The following MATN2 variants were observed in gnomAD, a reference collection of about 807,000 sequenced individuals.
The protein encoded by MATN2 is matrilin-2.
Under a neutral mutation model 103.2 loss-of-function variants are expected in MATN2, and 69 were observed. The observed-to-expected ratio is 0.67, with a 90% CI of 0.55 to 0.82. The LOEUF is 0.82. MATN2 is among the 40% of genes least tolerant of loss of function. MATN2 has a pLI of 0.00. For synonymous variants in MATN2, 429 were observed against 450.2 expected (o/e 0.95, Z 0.60); for missense variants, 1,023 against 1,211.5 (o/e 0.84, Z 2.31).
intron 6 of MATN2, among the ~76,000 whole-genome samples, chr8:97,989,847 T>C (rs1180905534): frequency 6.6e-6 from 1 of 151,792 alleles, no homozygotes; most frequent in African/African-American, 2.4e-5. Context: ...AAGTTAGTTT[T>C]ATGTACTTAC....
intron 3 of MATN2, among the ~76,000 whole-genome samples, chr8:97,939,441 A>G (rs1008696937): frequency 6.6e-6 from 1 of 152,232 alleles, no homozygotes; most frequent in Non-Finnish European, 1.5e-5. Context: ...TGTTCACAGA[A>G]TGAAAGCTGA....
At chr8:97,897,715 C>T (rs1818859540) in intron 2 of MATN2, among the ~76,000 whole-genome samples, 1 of 152,200 alleles carries the variant, frequency 6.6e-6, no homozygotes, top group African/African-American at 2.4e-5. Context: ...ACATGGACCC[C>T]ATGGAGGCGC....
chr8:97,962,921 G>A (rs1401266736), intron 5 of MATN2, among the ~76,000 whole-genome samples: 1 of 152,186 alleles, frequency 6.6e-6, no homozygotes, highest in African/African-American at 2.4e-5. Flanking sequence ...GATCACTTGA[G>A]GTCAGGAGTT....
chr8:98,024,700 T>C (rs1484703581), intron 13 of MATN2, among the ~76,000 whole-genome samples: 2 of 152,224 alleles, frequency 1.3e-5, no homozygotes, highest in African/African-American at 4.8e-5. Flanking sequence ...CTGGAGTAGA[T>C]GATCTTTAAA....
At chr8:98,014,027 T>C (rs572144279) in intron 10 of MATN2, among the ~76,000 whole-genome samples, 153 of 152,170 alleles carry the variant, frequency 1.0e-3, no homozygotes, top group Non-Finnish European at 1.9e-3. Flanking sequence ...GAGGATCACA[T>C]GAGCCCAAGA....
At chr8:97,883,068 C>A (rs1586372969) in intron 1 of MATN2, among the ~76,000 whole-genome samples, 1 of 151,966 alleles carries the variant, frequency 6.6e-6, no homozygotes, top group East Asian at 1.9e-4. Flanking sequence ...CCCTGAGAGG[C>A]CAAGGCAGGC....
At chr8:97,904,651 A>G (rs1469464879) in intron 2 of MATN2, among the ~76,000 whole-genome samples, 1 of 152,170 alleles carries the variant, frequency 6.6e-6, no homozygotes, top group African/African-American at 2.4e-5. Context: ...GTCTTCTCAA[A>G]GTCCTTGAAA....
intron 7 of MATN2, among the ~76,000 whole-genome samples, chr8:97,997,964 C>T (rs774519947): frequency 3.3e-5 from 5 of 151,554 alleles, no homozygotes; most frequent in African/African-American, 9.7e-5. Context: ...GGACTACAGG[C>T]GTGCACCATC....
intron 4 of MATN2, among the ~76,000 whole-genome samples, chr8:97,949,753 C>T (rs1008875015): frequency 1.3e-5 from 2 of 152,348 alleles, no homozygotes; most frequent in Middle Eastern, 3.4e-3. Flanking sequence ...AAACAACTCA[C>T]ATGTTGATTA....
intron 2 of MATN2, among the ~76,000 whole-genome samples, chr8:97,912,802 A>G (rs1185769526): frequency 6.6e-6 from 1 of 152,180 alleles, no homozygotes; most frequent in African/African-American, 2.4e-5. Flanking sequence ...TACGTGAGTG[A>G]GGCATCAAAG....
intron 1 of MATN2, among the ~76,000 whole-genome samples, chr8:97,881,913 CTTTT>C (rs34704905): frequency 3.6e-5 from 3 of 84,090 alleles, no homozygotes; most frequent in African/African-American, 1.4e-4. Context: ...TATTACTTAT[CTTTT>C]TTTTTTTTTT....
At chr8:97,943,831 G>C (rs77553946) in intron 4 of MATN2, among the ~76,000 whole-genome samples, 3,314 of 152,280 alleles carry the variant, frequency 0.022, 131 homozygotes, top group African/African-American at 0.076. Flanking sequence ...CTGGGAATCT[G>C]CTGATATTTA....
At chr8:97,956,273 G>A (rs1563690258) in intron 4 of MATN2, among the ~76,000 whole-genome samples, 2 of 152,032 alleles carry the variant, frequency 1.3e-5, no homozygotes, top group Admixed American at 1.3e-4. Flanking sequence ...TGCCTCCTAG[G>A]TTCAAGTGAT....
At chr8:97,907,429 A>C (rs937041229) in intron 2 of MATN2, among the ~76,000 whole-genome samples, 1 of 149,944 alleles carries the variant, frequency 6.7e-6, no homozygotes, top group African/African-American at 2.5e-5. Context: ...CTCCTGCCTC[A>C]GCCTCCCAAG....
chr8:97,928,218 CTTTTTT>C (rs34226792), intron 2 of MATN2, among the ~76,000 whole-genome samples: 12 of 89,280 alleles, frequency 1.3e-4, no homozygotes, highest in African/African-American at 5.4e-4. Flanking sequence ...GCACTCCTGC[CTTTTTT>C]TTTTTTTTTT....
At chr8:97,904,025 A>G (rs1176037450) in intron 2 of MATN2, among the ~76,000 whole-genome samples, 2 of 152,226 alleles carry the variant, frequency 1.3e-5, no homozygotes, top group East Asian at 1.9e-4. Context: ...TTAATACCTT[A>G]CTAGAATTAT....
At chr8:98,006,248 A>C (rs1295251674) in intron 8 of MATN2, among the ~76,000 whole-genome samples, 1 of 152,242 alleles carries the variant, frequency 6.6e-6, no homozygotes, top group Non-Finnish European at 1.5e-5. Context: ...GGGGGTAAAA[A>C]AAATAGAAAT....
intron 2 of MATN2, among the ~76,000 whole-genome samples, chr8:97,912,761 G>A (rs377186130): frequency 3.3e-5 from 5 of 152,126 alleles, no homozygotes; most frequent in Admixed American, 6.6e-5. Flanking sequence ...GTTCCACCCC[G>A]TTTGCCGACC....
chr8:97,931,433 G>A lies in MATN2; in HGVS notation c.623G>A (p.Gly208Glu). ...QVDFNTLKSI[G>E]SEPHEDHVFL... ...GACTTCAACACCTTGAAGTCCATTG[G>A]GAGTGAGCCCCATGAGGACCATGTC... is the stretch of plus-strand genomic sequence containing the variant. The change falls in exon 3 of 19, where the codon GGG (glycine) becomes GAG (glutamate). Residue 208 changes from glycine to glutamate, a missense_variant. Gly to Glu is a moderately conservative substitution (Grantham distance 98, BLOSUM62 -2). Transcript: ENST00000254898. This position sits in a 1 kb window ranked among gnomAD's most constrained non-coding sequence, Gnocchi z 4.1. The A allele has an allele frequency of 6.2e-7, 1 of 1,613,738 alleles. No individual in the cohort carries two copies.
Sources: allele counts gnomAD v4.1 joint callset (sites outside exome capture counted in the v4.1 genomes callset), GRCh38; gene constraint gnomAD v4.1.1; non-coding constraint Gnocchi (gnomAD v3.1); transcripts MANE v1.5; gene names NCBI Gene and HGNC (gene_info 2026-07-23, HGNC 2026-07-21).